Variants in RAPGEF3 observed in about 807,000 individuals in gnomAD.
RAPGEF3 encodes the protein 9330170P05Rik.
A neutral mutation model predicts 129.8 loss-of-function variants in RAPGEF3; 103 were observed. The ratio of observed to expected loss-of-function variants is 0.79; its 90% CI spans 0.68 to 0.93. RAPGEF3 has a LOEUF of 0.93. Ranked by LOEUF, RAPGEF3 falls within the 40% of genes least tolerant of loss-of-function variation. The pLI, the probability that RAPGEF3 is intolerant of heterozygous loss-of-function variation, is 0.00. For missense variants in RAPGEF3, 1,117 were observed against 1,207.4 expected, an observed-to-expected ratio of 0.93 and a Z score of 1.11; for synonymous variants, 436 against 482.6, an observed-to-expected ratio of 0.90 and a Z score of 1.26.
In RAPGEF3 at chr12:47,734,993, C is replaced by T. The variant is rs1442145653; in HGVS notation, c.*2574G>A. On this transcript the variant is annotated 3_prime_UTR_variant, in exon 28 of 28. Transcript: ENST00000449771. ...GCGTGGCCCTCCCTGGTGTGTACCC[C>T]ACAGTCAGGGCCTGAGCCTGGCCAC... 1.3e-5 allele frequency: 2 copies of T among 152,290 alleles called. No individual in the cohort carries two copies. Among genetic ancestry groups the T allele is most frequent in the African/African-American group, 2.4e-5 (1 of 41,448 alleles). The allele number at this position is 152,290 out of a possible 1,614,324, so 9.4% of individuals were successfully genotyped here.
chr12:47,749,641 G>A lies in RAPGEF3; in HGVS notation c.894+100C>T. ...AGAACAACCCACACAGGAGACACGG[G>A]GTCAGCAGCAGTAGATCAACAAAGG... is the stretch of plus-strand genomic sequence containing the variant. On this transcript the variant is annotated intron_variant, in intron 9 of 27. Transcript: ENST00000449771. The surrounding 1 kb of genome is among the most constrained non-coding windows in gnomAD (Gnocchi z 4.5). 1 of 1,579,530 alleles carries A rather than the reference G, an allele frequency of 6.3e-7. No homozygotes were observed. The highest frequency in any genetic ancestry group is 8.6e-7 in the Non-Finnish European group (1 of 1,161,520).
In RAPGEF3 at chr12:47,740,305, C is replaced by A; in HGVS notation, c.2322G>T (p.Glu774Asp). The change falls in exon 22 of 28, where the codon GAG becomes GAT. Residue 774 changes from glutamate to aspartate, a missense_variant and splice_region_variant. By Grantham distance (45) the Glu-to-Asp change is conservative (BLOSUM62 2). This residue lies in a region of RAPGEF3 where 643 missense variants were observed against 673.4 expected (regional missense o/e 0.95). Coordinates refer to ENST00000449771, the MANE Select transcript of RAPGEF3 (RefSeq NM_001098531.4). ...SAISRLAHTW[E>D]RLPHKVRKLY... ...AGGGGGCCCTCCAGACCACACTTAC[C>A]TCCCAGGTGTGGGCTAGGCGGCTGA... 6.2e-7 allele frequency: 1 copy of A among 1,613,960 alleles called. No homozygotes were observed. The highest frequency in any genetic ancestry group is 1.1e-5 in the South Asian group (1 of 91,076).
At chr12:47,756,418 C>CCGGAGAG (rs879932192) in intron 2 of RAPGEF3, 1 of 152,236 alleles carries the variant, frequency 6.6e-6, no homozygotes, top group African/African-American at 2.4e-5. Context: ...AGCCAGTGAC[C>CCGGAGAG]CGGAGAGCGG....
At position 47,741,225 on chromosome 12, in the gene RAPGEF3, C is replaced by T. The variant is rs912870234; in HGVS notation, c.1924-185G>A. 15 of 827,658 alleles carry T rather than the reference C, an allele frequency of 1.8e-5. No homozygotes were observed. The African/African-American group carries it at 2.4e-4, about 13-fold the overall frequency. The allele number at this position is 827,658 out of a possible 1,614,324, so 51.3% of individuals were successfully genotyped here. Reference sequence around the variant, plus strand: ...AGGATAGGGCTCCCCAGTGCTGAGACCCCTCCTTTTGGGCTCCTGTCTCCT... The same window carrying T: ...AGGATAGGGCTCCCCAGTGCTGAGATCCCTCCTTTTGGGCTCCTGTCTCCT... On this transcript the variant is annotated intron_variant, in intron 19 of 27. Coordinates refer to ENST00000449771, the MANE Select transcript of RAPGEF3 (RefSeq NM_001098531.4).
intron 15 of RAPGEF3, 111 bp downstream of exon 15, chr12:47,747,433 A>G (rs899663049): frequency 3.8e-6 from 4 of 1,046,574 alleles, no homozygotes; most frequent in Non-Finnish European, 5.7e-6. Flanking sequence ...AATTGAAGTA[A>G]GTGGTGCAGC....
Position 47,750,430 on chromosome 12 carries a change from AG to A in RAPGEF3, c.672-6del. 1 of 1,611,636 alleles carries A rather than the reference AG, an allele frequency of 6.2e-7. No individual in the cohort carries two copies. Among genetic ancestry groups the A allele is most frequent in the Non-Finnish European group, 8.5e-7 (1 of 1,178,550 alleles). The stretch of plus-strand genomic sequence containing the variant: ...TCATCCGTGCGCTGACCTGGGCTGC[AG>A]GGACAGGAGGAATGGGAGCACACTG... On this transcript the variant is annotated splice_polypyrimidine_tract_variant and splice_region_variant and intron_variant, in intron 6 of 27. Transcript: ENST00000449771.
chr12:47,752,842 C>T (rs1592571310), intron 2 of RAPGEF3: 1 of 152,288 alleles, frequency 6.6e-6, no homozygotes, highest in East Asian at 1.9e-4. Flanking sequence ...CTTGGTGGCA[C>T]ACAGGACTGG....
rs750044261 is a variant in RAPGEF3, at chr12:47,749,531, C to T, written c.900G>A (p.Leu300=). The T allele has an allele frequency of 3.7e-5, 59 of 1,608,764 alleles. No individual in the cohort carries two copies. The highest frequency in any genetic ancestry group is 4.6e-5 in the Non-Finnish European group (54 of 1,179,900). ...SVNVVTHGKG[L]VTTLHEGDDF... is the part of the protein sequence containing the mutation. ...CATCTCCCTCATGCAGGGTGGTCAC[C>T]AGCCCCTGCAGCCAGGCCTCAGTCT... is the stretch of plus-strand genomic sequence containing the variant. Residue 300 remains leucine, a synonymous_variant, in exon 10 of 28, where the codon CTG becomes CTA. Coordinates refer to ENST00000449771, the MANE Select transcript of RAPGEF3 (RefSeq NM_001098531.4). This position sits in a 1 kb window ranked among gnomAD's most constrained non-coding sequence, Gnocchi z 4.5.
chr12:47,744,082 GAACGAGA>G lies in RAPGEF3; in HGVS notation c.1597-21_1597-15del. ...CAAGTTCCGGGCCTGGGAGGAAGAGGAACGAGAAAATAAGGCTGGGAGGACATGAGAG... is the reference window on the plus strand; with the variant it reads ...CAAGTTCCGGGCCTGGGAGGAAGAGGAAATAAGGCTGGGAGGACATGAGAG... On this transcript the variant is annotated splice_polypyrimidine_tract_variant and intron_variant, in intron 16 of 27. Transcript: ENST00000449771. The G allele has an allele frequency of 6.4e-7, 1 of 1,572,874 alleles. No individual in the cohort carries two copies. Among genetic ancestry groups the G allele is most frequent in the Non-Finnish European group, 8.7e-7 (1 of 1,143,702 alleles).
intron 12 of RAPGEF3, 65 bp from the exon 13 acceptor site, chr12:47,748,217 T>C (rs1941541435): frequency 2.3e-6 from 3 of 1,330,218 alleles, no homozygotes; most frequent in Admixed American, 2.0e-5. Flanking sequence ...CACAGGTGTA[T>C]GGACAGCTGG....
At position 47,740,309 on chromosome 12, in the gene RAPGEF3, C is replaced by T; in HGVS notation, c.2318G>A (p.Trp773Ter). 1 of 1,613,982 alleles carries T rather than the reference C, an allele frequency of 6.2e-7. No homozygotes were observed. Among genetic ancestry groups the T allele is most frequent in the African/African-American group, 1.3e-5 (1 of 75,050 alleles). ...GGCCCTCCAGACCACACTTACCTCC[C>T]AGGTGTGGGCTAGGCGGCTGATGGC... The part of the protein sequence containing the change: ...NSAISRLAHT[W>*]ERLPHKVRKL... Residue 773 changes from tryptophan (W) to a stop codon, truncating the protein, a stop_gained, in exon 22 of 28, where the codon TGG becomes TAG. Transcript: ENST00000449771. LOFTEE classifies it high-confidence loss of function.
At chr12:47,754,552 C>T (rs1045136391) in intron 2 of RAPGEF3, among the ~76,000 whole-genome samples, 3 of 152,270 alleles carry the variant, frequency 2.0e-5, no homozygotes, top group East Asian at 1.9e-4. Context: ...TGCAGTGCTT[C>T]GGTTTCCTCA....
At chr12:47,752,877 G>T (rs917559293) in intron 2 of RAPGEF3, 4 of 152,150 alleles carry the variant, frequency 2.6e-5, no homozygotes, top group African/African-American at 9.7e-5. Flanking sequence ...CTTTATCATG[G>T]AAACACTGCT....
intron 2 of RAPGEF3, chr12:47,755,609 T>G (rs1269433622): frequency 6.6e-6 from 1 of 152,228 alleles, no homozygotes; most frequent in Non-Finnish European, 1.5e-5. Context: ...CCAGTGTCAC[T>G]TTTGCAATAG....
chr12:47,752,277 C>T (rs907531291), intron 2 of RAPGEF3, among the ~76,000 whole-genome samples: 1 of 152,140 alleles, frequency 6.6e-6, no homozygotes, highest in Non-Finnish European at 1.5e-5. Flanking sequence ...GTGAACTGCC[C>T]CTGTTGGGGG....
At position 47,738,684 on chromosome 12, in the gene RAPGEF3, A is replaced by G; in HGVS notation, c.2526+6T>C. 6.3e-7 allele frequency: 1 copy of G among 1,594,182 alleles called. No individual in the cohort carries two copies. The highest frequency in any genetic ancestry group is 1.7e-4 in the Middle Eastern group (1 of 6,022). The stretch of plus-strand genomic sequence containing the variant: ...AGTAGTGAATGCCTGCTCTCCCTGG[A>G]CTCACCATCTTCTCAAAGTTGATGA... On this transcript the variant is annotated splice_donor_region_variant and intron_variant, in intron 25 of 27. Coordinates refer to ENST00000449771, the MANE Select transcript of RAPGEF3 (RefSeq NM_001098531.4).
At chr12:47,738,278 C>T (rs1940920982) in intron 25 of RAPGEF3, 31 bp from the exon 26 acceptor site, 1 of 1,611,208 alleles carries the variant, frequency 6.2e-7, no homozygotes, top group East Asian at 2.2e-5. Flanking sequence ...TAAGCTCTTG[C>T]CTGAGGGAGA....
At chr12:47,747,398 A>T (rs913836192) in intron 15 of RAPGEF3, 146 bp downstream of exon 15, 1 of 741,632 alleles carries the variant, frequency 1.3e-6, no homozygotes, top group African/African-American at 1.7e-5. Context: ...GAGGGTGAAC[A>T]GCAAGGGGAC....
chr12:47,753,683 C>A (rs1460212630), intron 2 of RAPGEF3, among the ~76,000 whole-genome samples: 1 of 152,238 alleles, frequency 6.6e-6, no homozygotes, highest in African/African-American at 2.4e-5. Context: ...CCCAGCCAGC[C>A]CCCTGTGTCG....
Sources: allele counts gnomAD v4.1 joint callset (sites outside exome capture counted in the v4.1 genomes callset), GRCh38; gene constraint gnomAD v4.1.1; regional missense constraint gnomAD v4.1.1; non-coding constraint Gnocchi (gnomAD v3.1); transcripts MANE v1.5; gene names NCBI Gene and HGNC (gene_info 2026-07-23, HGNC 2026-07-21).